Variants in WWP2 observed in about 807,000 individuals in gnomAD.
The protein encoded by WWP2 is WW domain containing E3 ubiquitin protein ligase 2, also known as NEDD4-like E3 ubiquitin-protein ligase WWP2.
Under a neutral mutation model 121.0 loss-of-function variants are expected in WWP2, and 57 were observed. That is an observed-to-expected ratio of 0.47 (90% CI 0.38 to 0.59). The LOEUF (loss-of-function observed/expected upper bound fraction) is 0.59. WWP2 is among the 20% of genes least tolerant of loss of function. The pLI, the probability that WWP2 is intolerant of heterozygous loss-of-function variation, is 0.00. For missense variants in WWP2, 962 were observed against 1,158.9 expected (o/e 0.83, Z 2.47); for synonymous variants, 449 against 441.3 (o/e 1.02, Z -0.22).
chr16:69,809,232 C>T (rs1382107032), intron 4 of WWP2, among the ~76,000 whole-genome samples: 4 of 152,146 alleles, frequency 2.6e-5, no homozygotes, highest in Non-Finnish European at 5.9e-5. Flanking sequence ...AAAAACAAAT[C>T]TTCTAGGATG....
intron 1 of WWP2, among the ~76,000 whole-genome samples, chr16:69,778,190 A>ATTTTT (rs1343790913): frequency 1.6e-4 from 17 of 103,820 alleles, no homozygotes; most frequent in African/African-American, 6.1e-4. Flanking sequence ...ATATATATAT[A>ATTTTT]TATTTTTTTT....
intron 9 of WWP2, among the ~76,000 whole-genome samples, chr16:69,912,980 ATATATATATATATATTTTTTTTTTT>A (rs2058416692): frequency 8.1e-5 from 1 of 12,334 alleles, no homozygotes; most frequent in Non-Finnish European, 1.5e-4. Context: ...ATATATATAT[ATATATATATATATATTTTTTTTTTT>A]TTTTTTTTTT....
chr16:69,908,075 A>G (rs527897519), intron 8 of WWP2, among the ~76,000 whole-genome samples: 1 of 152,160 alleles, frequency 6.6e-6, no homozygotes, highest in East Asian at 1.9e-4. Flanking sequence ...ACCCGTCTCT[A>G]CCAAAAATTA....
At chr16:69,912,357 A>C (rs1238902631) in intron 9 of WWP2, among the ~76,000 whole-genome samples, 1 of 127,814 alleles carries the variant, frequency 7.8e-6, no homozygotes. Context: ...AAGTTTGTGC[A>C]GGGAGTTAGA....
chr16:69,861,696 G>A (rs1341768628), intron 6 of WWP2, among the ~76,000 whole-genome samples: 2 of 151,348 alleles, frequency 1.3e-5, no homozygotes, highest in African/African-American at 4.9e-5. Context: ...AGAATTGAGG[G>A]GGGTGCAGGT....
In WWP2 at chr16:69,847,684, A is replaced by G. The variant is rs563027402; in HGVS notation, c.575+5564A>G. On this transcript the variant is annotated intron_variant, in intron 6 of 23. Transcript: ENST00000359154. ...CGGCCTCCTAAAGTGCTGGGATTAC[A>G]GCTGTGAGCCACCGCGCCTGGCCAG... 2.6e-5 allele frequency among the ~76,000 whole-genome samples: 4 copies of G among 152,228 alleles called. No individual in the cohort carries two copies. In the East Asian group the frequency reaches 7.7e-4, roughly 29 times the overall value.
intron 4 of WWP2, among the ~76,000 whole-genome samples, chr16:69,810,529 G>A (rs987679197): frequency 1.3e-5 from 2 of 151,028 alleles, no homozygotes; most frequent in South Asian, 2.1e-4. Flanking sequence ...CTGGGTTCAC[G>A]CCATTCTCCT....
intron 8 of WWP2, among the ~76,000 whole-genome samples, chr16:69,896,580 A>T: frequency 6.6e-6 from 1 of 152,156 alleles, no homozygotes; most frequent in Non-Finnish European, 1.5e-5. Flanking sequence ...AAAATTTTTT[A>T]AAGTTTTTTT....
At chr16:69,931,684 G>C in intron 15 of WWP2, 104 bp downstream of exon 15, 1 of 1,578,918 alleles carries the variant, frequency 6.3e-7, no homozygotes, top group Non-Finnish European at 8.7e-7. Context: ...ACTTTCCAGG[G>C]CGTGAGTCTT....
intron 4 of WWP2, among the ~76,000 whole-genome samples, chr16:69,817,202 C>T (rs138738859): frequency 4.6e-5 from 7 of 152,240 alleles, no homozygotes; most frequent in African/African-American, 1.7e-4. Context: ...GTTTTTTCCG[C>T]ATCAGTGAAA....
In WWP2 at chr16:69,925,798, C is replaced by G. The variant is rs1005978453; in HGVS notation, c.1234+314C>G. The stretch of plus-strand genomic sequence containing the variant: ...GGTCTTGAGTTTCAAGGTGTCTACT[C>G]AAGAGTCCATGCTACCACTAAGATA... On this transcript the variant is annotated intron_variant, in intron 11 of 23. Coordinates refer to ENST00000359154, the MANE Select transcript of WWP2 (RefSeq NM_001270454.2). The surrounding 1 kb of genome is among the most constrained non-coding windows in gnomAD (Gnocchi z 4.0). Among the ~76,000 whole-genome samples, 3 of 152,186 alleles carry G rather than the reference C, an allele frequency of 2.0e-5. No homozygotes were observed. Among genetic ancestry groups the G allele is most frequent in the Non-Finnish European group, 4.4e-5 (3 of 68,042 alleles).
In WWP2 at chr16:69,790,819, G is replaced by A. The variant is rs889423147; in HGVS notation, c.70+3739G>A. ...TCGAACTTCTGACCTCAAGTGATCC[G>A]CCTGCCTCAGCCCCCCAAAGTGCTG... On this transcript the variant is annotated intron_variant, in intron 2 of 23. Transcript: ENST00000359154. Among the ~76,000 whole-genome samples, 8 of 151,926 alleles carry A rather than the reference G, an allele frequency of 5.3e-5. No individual in the cohort carries two copies. The East Asian group carries it at 5.8e-4, about 11-fold the overall frequency.
intron 10 of WWP2, 65 bp downstream of exon 10, chr16:69,917,948 G>A (rs2058500984): frequency 4.2e-6 from 5 of 1,197,458 alleles, no homozygotes; most frequent in Admixed American, 2.4e-5. Flanking sequence ...GTGCAGCCAC[G>A]TGTTCTCTGT....
chr16:69,929,458 G>A lies in WWP2; in HGVS notation c.1245G>A (p.Gln415=), dbSNP rs943866209. Residue 415 remains glutamine (Q), a synonymous_variant, in exon 12 of 24, where the codon CAG becomes CAA. Coordinates refer to ENST00000359154, the MANE Select transcript of WWP2 (RefSeq NM_001270454.2). ...CTTCTCATGTGGCAGAGAAGAGACA[G>A]GACAATGGACGGGTGTATTACGTGA... ...GPLPPGWEKR[Q]DNGRVYYVNH... The A allele has an allele frequency of 7.4e-6, 12 of 1,613,914 alleles. No homozygotes were observed. Among genetic ancestry groups the A allele is most frequent in the Non-Finnish European group, 1.0e-5 (12 of 1,179,926 alleles).
In WWP2 at chr16:69,883,871, T is replaced by TCCGAGTAG. The variant is rs568829207; in HGVS notation, c.704-4167_704-4160dup. Among the ~76,000 whole-genome samples the TCCGAGTAG allele has an allele frequency of 2.5e-4, 38 of 152,334 alleles. 2 individuals are homozygous for TCCGAGTAG. The South Asian group carries it at 7.5e-3, about 30-fold the overall frequency. On this transcript the variant is annotated intron_variant, in intron 7 of 23. Coordinates refer to ENST00000359154, the MANE Select transcript of WWP2 (RefSeq NM_001270454.2). The stretch of plus-strand genomic sequence containing the variant: ...ATTTGCAGCTGCATAAACAGTCAGA[T>TCCGAGTAG]CCGAGTAGTGTTGATTGGAGGGTCT...
chr16:69,763,052 C>G (rs1432130438), intron 1 of WWP2, among the ~76,000 whole-genome samples: 2 of 151,960 alleles, frequency 1.3e-5, no homozygotes, highest in African/African-American at 4.8e-5. Flanking sequence ...ATCATCGAGG[C>G]TTTAAAAAAC....
chr16:69,838,692 C>G, intron 4 of WWP2: 1 of 983,636 alleles, frequency 1.0e-6, no homozygotes, highest in Non-Finnish European at 1.2e-6. Flanking sequence ...TCCCATACTC[C>G]TTGGCTTTTG....
At chr16:69,924,565 C>T (rs888700971) in intron 10 of WWP2, among the ~76,000 whole-genome samples, 2 of 152,076 alleles carry the variant, frequency 1.3e-5, no homozygotes, top group Non-Finnish European at 2.9e-5. Context: ...CCAGGGACCT[C>T]GAAGCAGAAT....
Position 69,897,131 on chromosome 16 carries a change from G to C in WWP2, c.914+8882G>C, listed in dbSNP as rs939674665. 3.3e-5 allele frequency among the ~76,000 whole-genome samples: 5 copies of C among 151,414 alleles called. 1 individual carries two copies. The highest frequency in any genetic ancestry group is 1.2e-4 in the African/African-American group (5 of 41,144). On this transcript the variant is annotated intron_variant, in intron 8 of 23. Coordinates refer to ENST00000359154, the MANE Select transcript of WWP2 (RefSeq NM_001270454.2). ...GTTTGTGTGTTTTGTTTTTGAGACA[G>C]AATCTGTGTCACCCAGGCTGGAGTG...
Sources: allele counts gnomAD v4.1 joint callset (sites outside exome capture counted in the v4.1 genomes callset), GRCh38; gene constraint gnomAD v4.1.1; non-coding constraint Gnocchi (gnomAD v3.1); transcripts MANE v1.5; gene names NCBI Gene and HGNC (gene_info 2026-07-23, HGNC 2026-07-21).